The following GPAT4 variants were observed in gnomAD, a reference collection of about 807,000 sequenced individuals.
GPAT4 encodes glycerol-3-phosphate acyltransferase 4.
A neutral mutation model predicts 58.0 loss-of-function variants in GPAT4; 17 were observed. That is an observed-to-expected ratio of 0.29 (90% confidence interval 0.20 to 0.44). The LOEUF (loss-of-function observed/expected upper bound fraction) is 0.44. GPAT4 is among the 20% of genes least tolerant of loss of function. The pLI is 1.00. For synonymous variants in GPAT4, 204 were observed against 210.1 expected (o/e 0.97, Z 0.25); for missense variants, 377 against 574.5 (o/e 0.66, Z 3.51).
At chr8:41,613,116 G>A (rs548508871) in intron 8 of GPAT4, among the ~76,000 whole-genome samples, 156 bp downstream of exon 8, 1 of 152,254 alleles carries the variant, frequency 6.6e-6, no homozygotes, top group African/African-American at 2.4e-5. Flanking sequence ...TTTAAAAGTG[G>A]CCGGGTGTGG....
Position 41,609,836 on chromosome 8 carries a change from A to G in GPAT4, c.417A>G (p.Glu139=). ...DEVTKRFSAE[E]LESWNLLSRT... Reference sequence around the variant, plus strand: ...TGACAAAGAGATTCTCAGCAGAAGAACTGGAGTCCTGGAACCTGCTGAGCA... The same window carrying G: ...TGACAAAGAGATTCTCAGCAGAAGAGCTGGAGTCCTGGAACCTGCTGAGCA... The change falls in exon 4 of 13, where the codon GAA becomes GAG. Residue 139 remains glutamate (E), a synonymous_variant. Transcript: ENST00000396987. The G allele has an allele frequency of 6.2e-7, 1 of 1,614,242 alleles. No individual in the cohort carries two copies. The highest frequency in any genetic ancestry group is 8.5e-7 in the Non-Finnish European group (1 of 1,180,038).
intron 1 of GPAT4, among the ~76,000 whole-genome samples, chr8:41,581,925 A>T (rs1585644477): frequency 7.6e-6 from 1 of 131,884 alleles, no homozygotes; most frequent in Admixed American, 8.3e-5. Flanking sequence ...GAGCCATCGC[A>T]CCCGGCCGAC....
At chr8:41,613,828 A>C (rs1464854041) in intron 8 of GPAT4, among the ~76,000 whole-genome samples, 1 of 152,140 alleles carries the variant, frequency 6.6e-6, no homozygotes, top group Non-Finnish European at 1.5e-5. Flanking sequence ...ACGTGGGAGG[A>C]TCGCTTGAGC....
chr8:41,609,337 C>T (rs946737128), intron 2 of GPAT4, 79 bp from the exon 3 acceptor site: 2 of 1,433,590 alleles, frequency 1.4e-6, no homozygotes, highest in African/African-American at 2.8e-5. Flanking sequence ...GAGGCTTTCA[C>T]AGAATAGAGA....
chr8:41,592,152 A>G (rs2150486724), intron 1 of GPAT4, among the ~76,000 whole-genome samples: 1 of 152,316 alleles, frequency 6.6e-6, no homozygotes, highest in Admixed American at 6.5e-5. Context: ...AGGGAAGCCC[A>G]GGAGTTTACC....
In GPAT4 at chr8:41,599,317, GT is replaced by G. The variant is rs1446900774; in HGVS notation, c.165+15del. ...AAAAATCTTTGCGGTAAGTTATGCT[GT>G]TACAAAAGGTTGCTTCACAGAGGAG... On this transcript the variant is annotated intron_variant, in intron 2 of 12. Transcript: ENST00000396987. 2 of 1,613,250 alleles carry G rather than the reference GT, an allele frequency of 1.2e-6. No individual in the cohort carries two copies. Among genetic ancestry groups the G allele is most frequent in the African/African-American group, 2.7e-5 (2 of 74,938 alleles).
intron 2 of GPAT4, among the ~76,000 whole-genome samples, chr8:41,600,055 C>CTTT (rs1803044373): frequency 1.1e-5 from 1 of 95,066 alleles, no homozygotes; most frequent in Middle Eastern, 5.8e-3. Flanking sequence ...TTTTTTTTTT[C>CTTT]GAGACAAGAG....
chr8:41,617,369 T>C lies in GPAT4; in HGVS notation c.1054-1315T>C, dbSNP rs528959404. ...ACAGTGTGAGACTCTTGTCTCAAAA[T>C]GTATATTATTATATATAAAATTAAA... On this transcript the variant is annotated intron_variant, in intron 10 of 12. Coordinates refer to ENST00000396987, the MANE Select transcript of GPAT4 (RefSeq NM_178819.4). Among the ~76,000 whole-genome samples, 7 of 152,140 alleles carry C rather than the reference T, an allele frequency of 4.6e-5. No homozygotes were observed. In the South Asian group the frequency reaches 6.2e-4, roughly 14 times the overall value.
chr8:41,614,059 A>G (rs1803523415), intron 8 of GPAT4, among the ~76,000 whole-genome samples: 2 of 152,212 alleles, frequency 1.3e-5, no homozygotes, highest in Admixed American at 6.5e-5. Context: ...TACATAGTCT[A>G]GTGACACAGG....
intron 12 of GPAT4, among the ~76,000 whole-genome samples, chr8:41,620,187 G>C (rs1803707024): frequency 6.6e-6 from 1 of 152,214 alleles, no homozygotes; most frequent in African/African-American, 2.4e-5. Context: ...AAGCGGGCTT[G>C]GATTTTTATA....
intron 5 of GPAT4, 58 bp downstream of exon 5, chr8:41,610,868 A>G: frequency 6.6e-7 from 1 of 1,509,322 alleles, no homozygotes; most frequent in Non-Finnish European, 9.0e-7. Context: ...AATGGTGCTC[A>G]GATATCGAAG....
At chr8:41,591,132 C>G (rs1238731516) in intron 1 of GPAT4, among the ~76,000 whole-genome samples, 1 of 152,010 alleles carries the variant, frequency 6.6e-6, no homozygotes, top group Non-Finnish European at 1.5e-5. Context: ...ATTGGGCAAG[C>G]AGGGGGTACG....
At chr8:41,620,134 A>G (rs985073041) in intron 12 of GPAT4, among the ~76,000 whole-genome samples, 5 of 152,230 alleles carry the variant, frequency 3.3e-5, no homozygotes, top group East Asian at 3.8e-4. Context: ...TTTAAAATCT[A>G]TGCCTTTGCT....
At chr8:41,596,583 A>C (rs573050575) in intron 1 of GPAT4, among the ~76,000 whole-genome samples, 2 of 152,292 alleles carry the variant, frequency 1.3e-5, no homozygotes, top group African/African-American at 4.8e-5. Flanking sequence ...AGCCTGCCAC[A>C]TGCTGCTCTG....
rs186701655 is a variant in GPAT4 at position 41,604,124 on chromosome 8, G to A, written c.165+4820G>A. The stretch of plus-strand genomic sequence containing the variant: ...GCTGTATTAATAGTGTTTACTTGTT[G>A]TTGTGTGTCTACATTTTCTTTTGGC... On this transcript the variant is annotated intron_variant, in intron 2 of 12. Transcript: ENST00000396987. 1.3e-3 allele frequency among the ~76,000 whole-genome samples: 184 copies of A among 139,386 alleles called. 1 individual carries two copies. The highest frequency in any genetic ancestry group is 7.7e-3 in the Middle Eastern group (2 of 260). The allele number at this position is 139,386 out of a possible 152,430, so 91.4% of individuals were successfully genotyped here. A position where few individuals can be genotyped will look rare whatever the true frequency, so the allele number is the denominator to read the frequency against.
At chr8:41,600,107 C>T (rs778684339) in intron 2 of GPAT4, among the ~76,000 whole-genome samples, 192 of 144,822 alleles carry the variant, frequency 1.3e-3, no homozygotes, top group Middle Eastern at 0.011. Context: ...GGCGCAATCA[C>T]GGCTCACTGC....
intron 1 of GPAT4, among the ~76,000 whole-genome samples, chr8:41,591,130 A>G (rs1374241796): frequency 6.6e-6 from 1 of 152,132 alleles, no homozygotes; most frequent in African/African-American, 2.4e-5. Flanking sequence ...CGATTGGGCA[A>G]GCAGGGGGTA....
At chr8:41,588,565 A>C (rs1432324194) in intron 1 of GPAT4, among the ~76,000 whole-genome samples, 1 of 143,724 alleles carries the variant, frequency 7.0e-6, no homozygotes, top group Non-Finnish European at 1.5e-5. Flanking sequence ...CTTTTCCAAG[A>C]GTGTATTTTC....
At chr8:41,606,802 T>C (rs1027857595) in intron 2 of GPAT4, among the ~76,000 whole-genome samples, 2 of 152,110 alleles carry the variant, frequency 1.3e-5, no homozygotes, top group Admixed American at 6.5e-5. Flanking sequence ...ACCTCACAGA[T>C]AGCAGCCCTT....
Sources: gnomAD v4.1 joint callset for allele counts (sites outside exome capture counted in the v4.1 genomes callset) on GRCh38, gnomAD v4.1.1 for gene constraint, MANE v1.5 for transcripts, NCBI Gene and HGNC (gene_info 2026-07-23, HGNC 2026-07-21) for gene names.